The following KLHL32 variants were observed in gnomAD, a reference collection of about 807,000 sequenced individuals.
KLHL32 encodes kelch-like protein 32.
KLHL32 carries 35 observed loss-of-function variants against 64.8 expected under a neutral mutation model. The ratio of observed to expected loss-of-function variants is 0.54; its 90% CI spans 0.41 to 0.72. The LOEUF (loss-of-function observed/expected upper bound fraction) is 0.72. KLHL32 is among the 30% of genes least tolerant of loss of function. The probability of loss-of-function intolerance (pLI) is 0.00; values close to 1 mark genes in which losing one functional copy is unlikely to be tolerated. For missense variants in KLHL32, 589 were observed against 768.5 expected (o/e 0.77, Z 2.76); for synonymous variants, 259 against 281.0 (o/e 0.92, Z 0.78).
intron 5 of KLHL32, among the ~76,000 whole-genome samples, chr6:97,083,073 A>G (rs1250646939): frequency 6.6e-6 from 1 of 152,116 alleles, no homozygotes; most frequent in Non-Finnish European, 1.5e-5. Flanking sequence ...TGCCAACCCT[A>G]TGAGCTTGTT....
chr6:97,114,058 C>A lies in KLHL32; in HGVS notation c.903C>A (p.Val301=), dbSNP rs773488966. 6.2e-7 allele frequency: 1 copy of A among 1,614,200 alleles called. No homozygotes were observed. The highest frequency in any genetic ancestry group is 1.1e-5 in the South Asian group (1 of 91,088). Reference sequence around the variant, plus strand: ...TCATTGGTGGGAAAAAGCGCGAGGTCTGCAAGGTCAAGGAACTTCGGTACT... The same window carrying A: ...TCATTGGTGGGAAAAAGCGCGAGGTATGCAAGGTCAAGGAACTTCGGTACT... ...LYIIGGKKRE[V]CKVKELRYFN... Residue 301 remains valine, a synonymous_variant, in exon 7 of 11, where the codon GTC becomes GTA. Transcript: ENST00000369261.
chr6:96,930,218 A>G (rs1163666518), intron 1 of KLHL32, among the ~76,000 whole-genome samples: 1 of 152,216 alleles, frequency 6.6e-6, no homozygotes, highest in African/African-American at 2.4e-5. Context: ...GCAATTTTTT[A>G]TGACACAAAT....
chr6:97,114,833 T>A (rs886855094), intron 7 of KLHL32, among the ~76,000 whole-genome samples: 1 of 152,226 alleles, frequency 6.6e-6, no homozygotes, highest in Admixed American at 6.5e-5. Context: ...AGCTTGTGGT[T>A]TATCTAGGTC....
intron 3 of KLHL32, among the ~76,000 whole-genome samples, chr6:97,015,290 G>A (rs1781000668): frequency 6.6e-6 from 1 of 152,154 alleles, no homozygotes; most frequent in Admixed American, 6.6e-5. Context: ...AAATATGGAA[G>A]CAACTTTGGA....
chr6:97,130,974 C>T, intron 9 of KLHL32, 25 bp downstream of exon 9: 1 of 1,593,422 alleles, frequency 6.3e-7, no homozygotes, highest in Non-Finnish European at 8.6e-7. Context: ...TTAAGTAAAT[C>T]AGGAAAAGTA....
chr6:96,992,442 A>G (rs1391989727), intron 3 of KLHL32, among the ~76,000 whole-genome samples: 1 of 152,190 alleles, frequency 6.6e-6, no homozygotes, highest in Non-Finnish European at 1.5e-5. Flanking sequence ...TTGAAGAGCT[A>G]ATGTTTACTC....
chr6:96,961,117 G>T (rs1360886537), intron 1 of KLHL32, among the ~76,000 whole-genome samples: 1 of 152,200 alleles, frequency 6.6e-6, no homozygotes, highest in Non-Finnish European at 1.5e-5. Context: ...TAGCAAAGAA[G>T]ACATATTTGG....
chr6:97,051,791 A>T (rs571343372), intron 4 of KLHL32, among the ~76,000 whole-genome samples: 4 of 152,186 alleles, frequency 2.6e-5, no homozygotes, highest in Non-Finnish European at 5.9e-5. Flanking sequence ...CTTAAATTTC[A>T]TAAGAAGATA....
intron 3 of KLHL32, among the ~76,000 whole-genome samples, chr6:96,988,458 G>A (rs1438074983): frequency 6.6e-6 from 1 of 152,068 alleles, no homozygotes; most frequent in East Asian, 1.9e-4. Context: ...GAAACAACAG[G>A]TGCTGGAGAG....
chr6:97,004,570 T>G (rs927883520), intron 3 of KLHL32, among the ~76,000 whole-genome samples: 3 of 152,202 alleles, frequency 2.0e-5, no homozygotes, highest in Non-Finnish European at 4.4e-5. Context: ...TCAAGGGGAA[T>G]GCTTCCAGCG....
At chr6:97,067,338 T>C (rs1789951349) in intron 5 of KLHL32, among the ~76,000 whole-genome samples, 2 of 152,204 alleles carry the variant, frequency 1.3e-5, no homozygotes, top group Admixed American at 1.3e-4. Flanking sequence ...TCTGTGTCAA[T>C]GAGGACAGCT....
chr6:97,095,326 T>C lies in KLHL32; in HGVS notation c.627+9985T>C, dbSNP rs528167933. On this transcript the variant is annotated intron_variant, in intron 6 of 10. Coordinates refer to ENST00000369261, the MANE Select transcript of KLHL32 (RefSeq NM_052904.4). ...AGCCCCATATAAATCCAATAAAGTG[T>C]AAATAATGAAGTAAACAAAGGGGTT... is the stretch of plus-strand genomic sequence containing the variant. Among the ~76,000 whole-genome samples the C allele has an allele frequency of 3.3e-5, 5 of 152,290 alleles. No homozygotes were observed. The East Asian group carries it at 9.6e-4, about 29-fold the overall frequency.
chr6:97,057,640 A>G (rs886587742), intron 4 of KLHL32, among the ~76,000 whole-genome samples: 1 of 150,434 alleles, frequency 6.6e-6, no homozygotes, highest in African/African-American at 2.5e-5. Context: ...TTTGGATAAC[A>G]TTCCTTTAGC....
At chr6:96,981,289 A>G (rs1776280702) in intron 3 of KLHL32, among the ~76,000 whole-genome samples, 1 of 152,176 alleles carries the variant, frequency 6.6e-6, no homozygotes, top group East Asian at 1.9e-4. Flanking sequence ...TCAATTTGGG[A>G]GGTTGTATGT....
chr6:96,967,881 A>G (rs1774643044), intron 2 of KLHL32, among the ~76,000 whole-genome samples: 1 of 152,210 alleles, frequency 6.6e-6, no homozygotes, highest in Non-Finnish European at 1.5e-5. Context: ...GGAGCTTGGC[A>G]CATTCCAGAA....
upstream of KLHL32, among the ~76,000 whole-genome samples, chr6:96,923,388 T>C (rs1298299000): frequency 6.6e-6 from 1 of 152,228 alleles, no homozygotes; most frequent in Non-Finnish European, 1.5e-5. Context: ...TTATGAAAAA[T>C]TCTTAGGATG....
chr6:97,062,745 C>T (rs1186256152), intron 4 of KLHL32, among the ~76,000 whole-genome samples: 2 of 152,202 alleles, frequency 1.3e-5, no homozygotes, highest in Non-Finnish European at 2.9e-5. Context: ...AGTCCCTGCT[C>T]TCCTGAAACT....
chr6:97,111,231 G>A (rs1056903016), intron 6 of KLHL32, among the ~76,000 whole-genome samples: 7 of 152,214 alleles, frequency 4.6e-5, no homozygotes, highest in African/African-American at 1.4e-4. Flanking sequence ...GAGAGAGATG[G>A]CAGTGTTGCA....
At position 96,989,006 on chromosome 6, in the gene KLHL32, A is replaced by T. The variant is rs185918693; in HGVS notation, c.204+12829A>T. On this transcript the variant is annotated intron_variant, in intron 3 of 10. Transcript: ENST00000369261. ...CATTAGGAGATATACCTAATGTTAA[A>T]TGAGAAGTTAATGGGTGCAGCACAC... Among the ~76,000 whole-genome samples, 838 of 152,330 alleles carry T rather than the reference A, an allele frequency of 5.5e-3. 8 individuals carry two copies. The highest frequency in any genetic ancestry group is 0.014 in the Middle Eastern group (4 of 294).
Sources: allele counts gnomAD v4.1 joint callset (sites outside exome capture counted in the v4.1 genomes callset), GRCh38; gene constraint gnomAD v4.1.1; transcripts MANE v1.5; gene names NCBI Gene and HGNC (gene_info 2026-07-23, HGNC 2026-07-21).